SMR3B: variants seen among roughly 807,000 people sequenced by gnomAD.
The protein encoded by SMR3B is submaxillary gland androgen-regulated protein 3B.
For synonymous variants in SMR3B, 42 were observed against 36.1 expected (o/e 1.16, Z -0.59); for missense variants, 114 against 99.9 (o/e 1.14, Z -0.60).
Position 70,389,894 on chromosome 4 carries a change from T to G in SMR3B, c.*46T>G. 1 of 1,610,374 alleles carries G rather than the reference T, an allele frequency of 6.2e-7. No individual in the cohort carries two copies. The highest frequency in any genetic ancestry group is 8.5e-7 in the Non-Finnish European group (1 of 1,177,104). The stretch of plus-strand genomic sequence containing the variant: ...TGCCCCAGGTTATCCACAGCCTCCT[T>G]CCCGACCAAGACCCTATCCACCTGG... On this transcript the variant is annotated 3_prime_UTR_variant, in exon 3 of 3. Coordinates refer to ENST00000304915, the MANE Select transcript of SMR3B (RefSeq NM_006685.4).
intron 2 of SMR3B, chr4:70,385,127 T>G (rs1450167387): frequency 6.6e-6 from 1 of 152,218 alleles, no homozygotes; most frequent in East Asian, 1.9e-4. Context: ...AGATACTAAA[T>G]ATCATACAAA....
chr4:70,384,903 T>G (rs945916648), intron 2 of SMR3B: 5 of 196,588 alleles, frequency 2.5e-5, no homozygotes, highest in African/African-American at 7.1e-5. Flanking sequence ...GCATGTAGTT[T>G]ATGGATCATT....
At chr4:70,387,812 A>G (rs1732691272) in intron 2 of SMR3B, among the ~76,000 whole-genome samples, 1 of 152,290 alleles carries the variant, frequency 6.6e-6, no homozygotes, top group South Asian at 2.1e-4. Context: ...ATAATCTAAG[A>G]TAAGACACTC....
At chr4:70,389,346 C>G (rs914750234) in intron 2 of SMR3B, among the ~76,000 whole-genome samples, 1 of 152,102 alleles carries the variant, frequency 6.6e-6, no homozygotes, top group Non-Finnish European at 1.5e-5. Flanking sequence ...CTGCTGCTTA[C>G]GAGCCAGGGG....
chr4:70,389,500 C>A (rs537674832), intron 2 of SMR3B, among the ~76,000 whole-genome samples, 163 bp from the exon 3 acceptor site: 1 of 152,148 alleles, frequency 6.6e-6, no homozygotes, highest in Non-Finnish European at 1.5e-5. Context: ...CATTGTAGAA[C>A]CTTTTTTAAA....
rs143133803 is a variant in SMR3B at position 70,388,173 on chromosome 4, A to T, written c.55-1490A>T. ...TTTATATTCTTTAAGCCTCTTTTCAAATGACTTCTTCTCACTAGAACAATC... is the reference window on the plus strand; with the variant it reads ...TTTATATTCTTTAAGCCTCTTTTCATATGACTTCTTCTCACTAGAACAATC... On this transcript the variant is annotated intron_variant, in intron 2 of 2. Transcript: ENST00000304915. Among the ~76,000 whole-genome samples the T allele has an allele frequency of 6.2e-3, 937 of 152,254 alleles. 12 individuals are homozygous for T. The highest frequency in any genetic ancestry group is 0.021 in the African/African-American group (856 of 41,550).
chr4:70,389,577 G>A, intron 2 of SMR3B, 86 bp from the exon 3 acceptor site: 5 of 1,387,236 alleles, frequency 3.6e-6, no homozygotes, highest in Non-Finnish European at 5.0e-6. Flanking sequence ...GGCCATCTCA[G>A]AGTTCTGCTT....
intron 2 of SMR3B, among the ~76,000 whole-genome samples, chr4:70,388,287 T>C (rs989454692): frequency 1.3e-5 from 2 of 152,182 alleles, no homozygotes; most frequent in African/African-American, 4.8e-5. Flanking sequence ...TTTTTTTATT[T>C]TTTAAAATAG....
At chr4:70,383,349 A>C (rs1251358595) in intron 1 of SMR3B, 137 bp downstream of exon 1, 1 of 152,172 alleles carries the variant, frequency 6.6e-6, no homozygotes, top group South Asian at 2.1e-4. Flanking sequence ...AGTAGCTTAC[A>C]TGAAATTGTA....
chr4:70,384,847 G>A, intron 2 of SMR3B: 1 of 328,302 alleles, frequency 3.0e-6, no homozygotes, highest in Non-Finnish European at 5.3e-6. Context: ...TACACAGTAG[G>A]TAAAACTCTA....
chr4:70,383,442 C>G (rs57476220), intron 1 of SMR3B, among the ~76,000 whole-genome samples: 21,087 of 152,012 alleles, frequency 0.14, 1,610 homozygotes, highest in South Asian at 0.21. Context: ...TTGGGCCAAT[C>G]GGTCCATCCA....
rs892760032 is a variant in SMR3B, at chr4:70,384,538, C to A, written c.28C>A (p.Leu10Ile). 6.2e-7 allele frequency: 1 copy of A among 1,610,720 alleles called. No individual in the cohort carries two copies. The highest frequency in any genetic ancestry group is 8.5e-7 in the Non-Finnish European group (1 of 1,178,156). MKSLTWILG[L>I]WALAACFTPG... ...GAAATCACTGACTTGGATCTTGGGC[C>A]TTTGGGCTCTTGCAGCGTGTTTCAC... The change falls in exon 2 of 3, where the codon CTT (leucine) becomes ATT (isoleucine). Residue 10 changes from leucine to isoleucine, a missense_variant. Transcript: ENST00000304915.
chr4:70,385,795 G>A (rs1215136950), intron 2 of SMR3B, among the ~76,000 whole-genome samples: 2 of 151,936 alleles, frequency 1.3e-5, no homozygotes, highest in Non-Finnish European at 2.9e-5. Flanking sequence ...ATTATATGTT[G>A]ACATAATTTT....
At chr4:70,389,543 G>A (rs1732723067) in intron 2 of SMR3B, 120 bp from the exon 3 acceptor site, 3 of 1,005,040 alleles carry the variant, frequency 3.0e-6, no homozygotes, top group African/African-American at 1.6e-5. Flanking sequence ...GCCAGCATGT[G>A]CCAGCAGGGA....
chr4:70,383,941 G>A (rs1732606947), intron 1 of SMR3B, among the ~76,000 whole-genome samples: 1 of 151,900 alleles, frequency 6.6e-6, no homozygotes, highest in Admixed American at 6.6e-5. Context: ...CTAAATTAAT[G>A]TAATAGAATG....
At chr4:70,386,680 G>A (rs1732671382) in intron 2 of SMR3B, among the ~76,000 whole-genome samples, 1 of 152,114 alleles carries the variant, frequency 6.6e-6, no homozygotes, top group African/African-American at 2.4e-5. Context: ...TAATCAATGT[G>A]ATTGGGTATA....
chr4:70,385,700 G>C (rs999976719), intron 2 of SMR3B, among the ~76,000 whole-genome samples: 3 of 151,794 alleles, frequency 2.0e-5, no homozygotes, highest in Non-Finnish European at 2.9e-5. Flanking sequence ...CACCGTGCCC[G>C]GCCTCATCTA....
intron 2 of SMR3B, among the ~76,000 whole-genome samples, chr4:70,386,820 A>G (rs6811998): frequency 0.7 from 106,682 of 152,112 alleles, 37,734 homozygotes; most frequent in African/African-American, 0.77. Context: ...TTCCCACACT[A>G]AGGATTTGTT....
At chr4:70,385,912 AC>A (rs1488559948) in intron 2 of SMR3B, among the ~76,000 whole-genome samples, 1 of 152,078 alleles carries the variant, frequency 6.6e-6, no homozygotes, top group Non-Finnish European at 1.5e-5. Flanking sequence ...CAAAAGAAAA[AC>A]ATTTATAATT....
Sources: gnomAD v4.1 joint callset for allele counts (sites outside exome capture counted in the v4.1 genomes callset) on GRCh38, gnomAD v4.1.1 for gene constraint, MANE v1.5 for transcripts, NCBI Gene and HGNC (gene_info 2026-07-23, HGNC 2026-07-21) for gene names.